WASHC5: variants seen among roughly 807,000 people sequenced by gnomAD.
WASHC5 encodes WASH complex subunit 5, also known as WASH complex subunit strumpellin.
Under a neutral mutation model 150.4 loss-of-function variants are expected in WASHC5, and 101 were observed. That is an observed-to-expected ratio of 0.67 (90% confidence interval 0.57 to 0.79). The LOEUF is 0.79. WASHC5 is among the 30% of genes least tolerant of loss of function. The pLI, the probability that WASHC5 is intolerant of heterozygous loss-of-function variation, is 0.00. For missense variants in WASHC5, 1,195 were observed against 1,396.3 expected (o/e 0.86, Z 2.30); for synonymous variants, 467 against 491.2 (o/e 0.95, Z 0.65).
At chr8:125,088,390 A>C (rs1586395768) in intron 1 of WASHC5, among the ~76,000 whole-genome samples, 1 of 147,318 alleles carries the variant, frequency 6.8e-6, no homozygotes, top group South Asian at 2.4e-4. Flanking sequence ...GCACCACTGC[A>C]CTCCAGCCTG....
intron 14 of WASHC5, among the ~76,000 whole-genome samples, chr8:125,058,261 T>C (rs553273997): frequency 2.0e-5 from 3 of 152,210 alleles, no homozygotes; most frequent in South Asian, 4.2e-4. Context: ...AAAAGAATTG[T>C]AGTAGCTAGG....
chr8:125,059,734 G>A (rs1816533749), intron 12 of WASHC5, among the ~76,000 whole-genome samples, 192 bp from the exon 13 acceptor site: 1 of 152,138 alleles, frequency 6.6e-6, no homozygotes, highest in Non-Finnish European at 1.5e-5. Context: ...ATTAGAAAAT[G>A]TTCCGCTGCT....
At chr8:125,032,502 G>T in intron 26 of WASHC5, 108 bp from the exon 27 acceptor site, 1 of 1,237,852 alleles carries the variant, frequency 8.1e-7, no homozygotes, top group Non-Finnish European at 1.2e-6. Context: ...ATTCTCGCTG[G>T]CAGATGATAT....
rs866203199 is a variant in WASHC5 at position 125,079,305 on chromosome 8, C to T, written c.519-375G>A. ...CTCCAGGTTCAAGCAATTCTCCTGCCTCAGCCTCCTGAGTAACTGGGACTA... is the reference window on the plus strand; with the variant it reads ...CTCCAGGTTCAAGCAATTCTCCTGCTTCAGCCTCCTGAGTAACTGGGACTA... On this transcript the variant is annotated intron_variant, in intron 5 of 28. Coordinates refer to ENST00000318410, the MANE Select transcript of WASHC5 (RefSeq NM_014846.4). 9.4e-5 allele frequency among the ~76,000 whole-genome samples: 14 copies of T among 148,852 alleles called. 1 individual carries two copies. The South Asian group carries it at 1.7e-3, about 18-fold the overall frequency.
rs192806615 is a variant in WASHC5 at position 125,076,507 on chromosome 8, T to A, written c.712-7A>T. On this transcript the variant is annotated splice_region_variant and splice_polypyrimidine_tract_variant and intron_variant, in intron 6 of 28. Coordinates refer to ENST00000318410, the MANE Select transcript of WASHC5 (RefSeq NM_014846.4). ...GCAAAGGATACGCTGAGACCTGCAATGTCAAGACGACACCCCGAGAAAGCT... is the reference window on the plus strand; with the variant it reads ...GCAAAGGATACGCTGAGACCTGCAAAGTCAAGACGACACCCCGAGAAAGCT... 1.2e-6 allele frequency: 2 copies of A among 1,613,476 alleles called. No individual in the cohort carries two copies. Among genetic ancestry groups the A allele is most frequent in the Non-Finnish European group, 1.7e-6 (2 of 1,179,886 alleles).
intron 28 of WASHC5, among the ~76,000 whole-genome samples, chr8:125,026,659 C>T (rs1239353443): frequency 6.6e-6 from 1 of 151,936 alleles, no homozygotes; most frequent in African/African-American, 2.4e-5. Context: ...CTAATATTCC[C>T]TTTCTCTCTT....
At chr8:125,061,269 T>C (rs1816586705) in intron 11 of WASHC5, 75 bp from the exon 12 acceptor site, 2 of 841,048 alleles carry the variant, frequency 2.4e-6, no homozygotes, top group Non-Finnish European at 3.9e-6. Context: ...AACTAAATAA[T>C]CTTTTATAAA....
In WASHC5 at chr8:125,037,347, G is replaced by A. The variant is rs757780302; in HGVS notation, c.3085-14C>T. 1 of 1,464,352 alleles carries A rather than the reference G, an allele frequency of 6.8e-7. No homozygotes were observed. Among genetic ancestry groups the A allele is most frequent in the Non-Finnish European group, 9.6e-7 (1 of 1,043,870 alleles). The allele number at this position is 1,464,352 out of a possible 1,614,324, so 90.7% of individuals were successfully genotyped here. The stretch of plus-strand genomic sequence containing the variant: ...TGTTATGTATATCTGGAAAGAGAAA[G>A]GTAAGAAAAATAGATGGTTAAATCA... On this transcript the variant is annotated splice_polypyrimidine_tract_variant and intron_variant, in intron 25 of 28. Coordinates refer to ENST00000318410, the MANE Select transcript of WASHC5 (RefSeq NM_014846.4).
rs770505443 is a variant in WASHC5 at position 125,076,547 on chromosome 8, C to A, written c.712-47G>T. The A allele has an allele frequency of 3.1e-6, 5 of 1,605,860 alleles. No homozygotes were observed. The Admixed American group carries it at 6.7e-5, about 21-fold the overall frequency. On this transcript the variant is annotated intron_variant, in intron 6 of 28. Transcript: ENST00000318410. ...CCGAGAAAGCTGTTGGCAACATTTG[C>A]ACGTAGACATGCTCAAATTAAACTC... is the stretch of plus-strand genomic sequence containing the variant.
At chr8:125,080,948 T>G (rs1022957455) in intron 5 of WASHC5, among the ~76,000 whole-genome samples, 2 of 152,190 alleles carry the variant, frequency 1.3e-5, no homozygotes, top group Non-Finnish European at 2.9e-5. Flanking sequence ...CTTATTTCCT[T>G]ATATCTGCCA....
chr8:125,043,817 C>T lies in WASHC5; in HGVS notation c.2850+8G>A, dbSNP rs772106188. On this transcript the variant is annotated splice_region_variant and intron_variant, in intron 23 of 28. Transcript: ENST00000318410. ...TATTGACTGTACACCCTCTCTTCTA[C>T]AACATACCTTCATTATAGCCTCGAG... 5 of 1,594,642 alleles carry T rather than the reference C, an allele frequency of 3.1e-6. No individual in the cohort carries two copies. In the African/African-American group the frequency reaches 4.0e-5, roughly 13 times the overall value.
chr8:125,056,653 G>C, intron 16 of WASHC5, 24 bp downstream of exon 16: 1 of 1,613,798 alleles, frequency 6.2e-7, no homozygotes, highest in Non-Finnish European at 8.5e-7. Flanking sequence ...ATATGAAAAG[G>C]CAGAAGTCAG....
intron 26 of WASHC5, chr8:125,032,773 A>C (rs1815579400): frequency 4.0e-6 from 1 of 252,842 alleles, no homozygotes; most frequent in Non-Finnish European, 7.8e-6. Flanking sequence ...CTGAACTACT[A>C]TCTTAAGTGA....
intron 1 of WASHC5, among the ~76,000 whole-genome samples, chr8:125,086,620 G>A (rs1363973185): frequency 2.0e-5 from 3 of 152,126 alleles, no homozygotes; most frequent in Non-Finnish European, 2.9e-5. Context: ...ATTTTGGGGG[G>A]ACCCAACTCA....
At chr8:125,076,633 G>A (rs374223079) in intron 6 of WASHC5, 133 bp from the exon 7 acceptor site, 6 of 967,446 alleles carry the variant, frequency 6.2e-6, no homozygotes, top group East Asian at 2.6e-5. Context: ...CCTGGACACT[G>A]GAAGCCCTTC....
Position 125,081,891 on chromosome 8 carries a change from G to A in WASHC5, c.418-130C>T, listed in dbSNP as rs1216369433. The A allele has an allele frequency of 1.3e-5, 9 of 704,740 alleles. 1 individual carries two copies. The highest frequency in any genetic ancestry group is 1.2e-4 in the South Asian group (8 of 66,774). 43.7% of individuals were successfully genotyped at this position (704,740 alleles called of 1,614,324 possible). A position where few individuals can be genotyped will look rare whatever the true frequency, so the allele number is the denominator to read the frequency against. On this transcript the variant is annotated intron_variant, in intron 4 of 28. Coordinates refer to ENST00000318410, the MANE Select transcript of WASHC5 (RefSeq NM_014846.4). ...AGTTTTAGATTTCAAGGAAAAGGTA[G>A]GTTTCCTCCAAGGAGCTCTTACCTT...
chr8:125,036,793 T>G (rs1255845147), intron 26 of WASHC5, among the ~76,000 whole-genome samples: 1 of 152,180 alleles, frequency 6.6e-6, no homozygotes. Context: ...GCGGATCACC[T>G]GAGGTCAGGA....
At chr8:125,047,053 C>T (rs552261850) in intron 20 of WASHC5, among the ~76,000 whole-genome samples, 154 bp downstream of exon 20, 10 of 152,238 alleles carry the variant, frequency 6.6e-5, no homozygotes, top group Middle Eastern at 3.4e-3. Flanking sequence ...CAGTCTGCAG[C>T]GCAGGGGTTA....
At chr8:125,053,418 C>A (rs1816308877) in intron 17 of WASHC5, among the ~76,000 whole-genome samples, 1 of 151,998 alleles carries the variant, frequency 6.6e-6, no homozygotes, top group African/African-American at 2.4e-5. Context: ...TGGTAAAATT[C>A]TTTTGATAAT....
Sources: allele counts gnomAD v4.1 joint callset (sites outside exome capture counted in the v4.1 genomes callset), GRCh38; gene constraint gnomAD v4.1.1; transcripts MANE v1.5; gene names NCBI Gene and HGNC (gene_info 2026-07-23, HGNC 2026-07-21).